MOV10: variants seen among roughly 807,000 people sequenced by gnomAD.
MOV10 encodes RNA helicase MOV-10.
MOV10 carries 39 observed loss-of-function variants against 108.4 expected under a neutral mutation model. That is an observed-to-expected ratio of 0.36 (90% CI 0.28 to 0.47). MOV10 has a LOEUF of 0.47. Among genes scored for constraint, MOV10 ranks in the 20% least tolerant of loss-of-function variants. The pLI is 1.00. For missense variants in MOV10, 952 were observed against 1,297.6 expected (o/e 0.73, Z 4.09); for synonymous variants, 490 against 523.1 (o/e 0.94, Z 0.86).
intron 17 of MOV10, chr1:112,699,268 A>G (rs1052431733): frequency 8.7e-6 from 2 of 230,738 alleles, no homozygotes; most frequent in African/African-American, 2.3e-5. Context: ...GGTGATTCTA[A>G]TATGCAGCCA....
chr1:112,696,246 C>G lies in MOV10; in HGVS notation c.1878C>G (p.Ala626=). 1 of 1,608,692 alleles carries G rather than the reference C, an allele frequency of 6.2e-7. No homozygotes were observed. Among genetic ancestry groups the G allele is most frequent in the Non-Finnish European group, 8.5e-7 (1 of 1,175,304 alleles). ...TCTTAATTACCACCCTCATCACTGC[C>G]GGCAGGTGGGGAGTGTGTGTGGGTG... ...YRVLITTLIT[A]GRLVSAQFPI... is the part of the protein sequence containing the mutation. The change falls in exon 12 of 21, where the codon GCC becomes GCG. Residue 626 remains alanine (A), a synonymous_variant. Coordinates refer to ENST00000369645, the MANE Select transcript of MOV10 (RefSeq NM_001321324.2).
intron 2 of MOV10, among the ~76,000 whole-genome samples, chr1:112,681,161 A>G (rs187639038): frequency 2.0e-5 from 3 of 152,070 alleles, no homozygotes; most frequent in South Asian, 4.2e-4. Flanking sequence ...CTTGATATCA[A>G]TCAGGGTGGT....
chr1:112,698,847 C>A, intron 17 of MOV10, 58 bp downstream of exon 17: 3 of 1,432,294 alleles, frequency 2.1e-6, no homozygotes, highest in Non-Finnish European at 3.0e-6. Context: ...TTGCCCACTT[C>A]CAGAGACTTC....
chr1:112,693,935 C>G lies in MOV10; in HGVS notation c.1141-83C>G, dbSNP rs116721550. 3.1e-4 allele frequency: 416 copies of G among 1,347,750 alleles called. No individual in the cohort carries two copies. In the African/African-American group the frequency reaches 4.8e-3, roughly 16 times the overall value. The allele number at this position is 1,347,750 out of a possible 1,614,324, so 83.5% of individuals were successfully genotyped here. On this transcript the variant is annotated intron_variant, in intron 7 of 20. Transcript: ENST00000369645. ...AGAAGGCCAGTCTCAGTCCTTGTCC[C>G]TTAAAGGTCTGGGGAACCTGGGGGC...
At position 112,675,876 on chromosome 1, in the gene MOV10, T is replaced by G. The variant is rs1480023717; in HGVS notation, c.137+827T>G. ...ACGTAAAGACTTGTACAAATAAACA[T>G]AAGGTAGTGGGAATCTGGGCTTAAT... On this transcript the variant is annotated intron_variant, in intron 2 of 20. Coordinates refer to ENST00000369645, the MANE Select transcript of MOV10 (RefSeq NM_001321324.2). The surrounding 1 kb of genome is among the most constrained non-coding windows in gnomAD (Gnocchi z 4.7). 2.6e-5 allele frequency among the ~76,000 whole-genome samples: 4 copies of G among 152,200 alleles called. No homozygotes were observed. The highest frequency in any genetic ancestry group is 9.7e-5 in the African/African-American group (4 of 41,448).
chr1:112,675,185 G>A lies in MOV10; in HGVS notation c.137+136G>A. The A allele has an allele frequency of 7.2e-6, 7 of 972,270 alleles. No homozygotes were observed. The highest frequency in any genetic ancestry group is 1.0e-5 in the Non-Finnish European group (7 of 702,228). 60.2% of individuals were successfully genotyped at this position (972,270 alleles called of 1,614,324 possible). Reference sequence around the variant, plus strand: ...AGCGGCTCAGGCCAGTCCCGGGGCGGCGCAGACCTCCCCTCCCGCGCCTCG... The same window carrying A: ...AGCGGCTCAGGCCAGTCCCGGGGCGACGCAGACCTCCCCTCCCGCGCCTCG... On this transcript the variant is annotated intron_variant, in intron 2 of 20. Coordinates refer to ENST00000369645, the MANE Select transcript of MOV10 (RefSeq NM_001321324.2). The surrounding 1 kb of genome is among the most constrained non-coding windows in gnomAD (Gnocchi z 4.7).
In MOV10 at chr1:112,699,938, C is replaced by T. The variant is rs199523554; in HGVS notation, c.2754C>T (p.Ile918=). Residue 918 remains isoleucine, a synonymous_variant, in exon 19 of 21, where the codon ATC becomes ATT. Transcript: ENST00000369645. ...AVTRAKALLI[I]VGNPLLLGHD... is the part of the protein sequence containing the mutation. ...CCCGGGCCAAGGCCCTGCTCATCAT[C>T]GTGGGGAACCCCCTTCTCCTGGGCC... The T allele has an allele frequency of 8.1e-6, 13 of 1,614,166 alleles. No homozygotes were observed. The highest frequency in any genetic ancestry group is 1.1e-5 in the South Asian group (1 of 91,082).
intron 2 of MOV10, 164 bp from the exon 3 acceptor site, chr1:112,688,771 C>T: frequency 1.4e-6 from 2 of 1,452,754 alleles, no homozygotes; most frequent in South Asian, 2.9e-5. Flanking sequence ...AAACATTCCT[C>T]CGATCCCCAG....
chr1:112,698,549 T>A (rs1468271555), intron 16 of MOV10, 71 bp downstream of exon 16: 2 of 1,528,804 alleles, frequency 1.3e-6, no homozygotes, highest in Non-Finnish European at 1.8e-6. Context: ...TCCAGACCAC[T>A]AGGCAGAGGC....
At chr1:112,691,630 G>A (rs764161820) in intron 5 of MOV10, 35 bp from the exon 6 acceptor site, 5 of 1,605,706 alleles carry the variant, frequency 3.1e-6, no homozygotes, top group Non-Finnish European at 3.4e-6. Flanking sequence ...TGGAGGGTGA[G>A]GGGTTTTCTG....
rs17030651 is a variant in MOV10 at position 112,696,760 on chromosome 1, G to A, written c.2112G>A (p.Glu704=). Residue 704 remains glutamate (E), a synonymous_variant, in exon 14 of 21, where the codon GAG becomes GAA. Transcript: ENST00000369645. Reference sequence around the variant, plus strand: ...ATGGACTGGGATACTCACTGCTGGAGCGGCTGCTCACCTACAACTCCCTGT... The same window carrying A: ...ATGGACTGGGATACTCACTGCTGGAACGGCTGCTCACCTACAACTCCCTGT... ...QKHGLGYSLL[E]RLLTYNSLYK... The A allele has an allele frequency of 0.22, 350,864 of 1,603,692 alleles. 42,277 individuals are homozygous for A. The highest frequency in any genetic ancestry group is 0.48 in the East Asian group (21,261 of 44,574).
At chr1:112,698,588 G>GT (rs896528045) in intron 16 of MOV10, 110 bp downstream of exon 16, 2 of 1,438,698 alleles carry the variant, frequency 1.4e-6, no homozygotes, top group African/African-American at 2.8e-5. Flanking sequence ...TGCTGGCTCC[G>GT]TATCTCAGAA....
In MOV10 at chr1:112,694,809, T is replaced by TA; in HGVS notation, c.1534dup (p.Thr512AsnfsTer28). ...AGCTGCAGGCCATGAGGCACATTGT[T>TA]ACGGGCACCACCCGTCCAGCCCCCT... On this transcript the variant is annotated frameshift_variant, in exon 10 of 21. Transcript: ENST00000369645. LOFTEE classifies it high-confidence loss of function. This position sits in a 1 kb window ranked among gnomAD's most constrained non-coding sequence, Gnocchi z 4.1. 1.2e-6 allele frequency: 2 copies of TA among 1,614,154 alleles called. No homozygotes were observed. The highest frequency in any genetic ancestry group is 1.7e-6 in the Non-Finnish European group (2 of 1,180,034).
At chr1:112,691,870 A>ACCTCCGTCCTCAGCCTCCCAGGCT in intron 6 of MOV10, 71 bp downstream of exon 6, 1 of 1,527,770 alleles carries the variant, frequency 6.5e-7, no homozygotes, top group Non-Finnish European at 9.0e-7. Context: ...TTGCCCTGGC[A>ACCTCCGTCCTCAGCCTCCCAGGCT]CCTCCGTCCT....
intron 16 of MOV10, 32 bp from the exon 17 acceptor site, chr1:112,698,682 CA>C: frequency 6.2e-7 from 1 of 1,603,130 alleles, no homozygotes; most frequent in Non-Finnish European, 8.5e-7. Flanking sequence ...AGGTTAATGG[CA>C]CGAGAGAAAG....
intron 2 of MOV10, among the ~76,000 whole-genome samples, chr1:112,688,123 C>A (rs551007932): frequency 2.0e-5 from 3 of 152,076 alleles, no homozygotes; most frequent in Non-Finnish European, 4.4e-5. Context: ...CCAAGCACCA[C>A]GCTGGAATGT....
rs575796303 is a variant in MOV10, at chr1:112,695,711, G to A, written c.1779+137G>A. The stretch of plus-strand genomic sequence containing the variant: ...CTTGGGTTGGACAGGACCCCTCCCT[G>A]GGCCTCAGTTTGTCTGTAAGTGAGG... On this transcript the variant is annotated intron_variant, in intron 11 of 20. Transcript: ENST00000369645. 146 of 912,482 alleles carry A rather than the reference G, an allele frequency of 1.6e-4. No individual in the cohort carries two copies. The East Asian group carries it at 4.1e-3, about 26-fold the overall frequency. 56.5% of individuals were successfully genotyped at this position (912,482 alleles called of 1,614,324 possible).
At chr1:112,696,041 A>G (rs2101405467) in intron 11 of MOV10, 107 bp from the exon 12 acceptor site, 3 of 779,616 alleles carry the variant, frequency 3.8e-6, no homozygotes, top group South Asian at 1.7e-5. Context: ...CTCCGTCTCA[A>G]TTAAAAAAAA....
At position 112,694,469 on chromosome 1, in the gene MOV10, G is replaced by A. The variant is rs773653752; in HGVS notation, c.1312G>A (p.Val438Met). ...SFSMSLLSRF[V>M]DGLTFKVNFT... ...TGCCCAAAGCCTCCTGAGCCGCTTT[G>A]TGGATGGGCTGACCTTCAAGGTGAA... is the stretch of plus-strand genomic sequence containing the variant. The change falls in exon 9 of 21, where the codon GTG (valine) becomes ATG (methionine). Residue 438 changes from valine (V) to methionine (M), a missense_variant. By Grantham distance (21) the Val-to-Met change is conservative. Around this residue, in one of 5 missense-constraint regions of MOV10, gnomAD observed 453 missense variants for 611.5 expected, o/e 0.74. Coordinates refer to ENST00000369645, the MANE Select transcript of MOV10 (RefSeq NM_001321324.2). This position sits in a 1 kb window ranked among gnomAD's most constrained non-coding sequence, Gnocchi z 4.1. The A allele has an allele frequency of 3.1e-6, 5 of 1,613,964 alleles. No homozygotes were observed. In the South Asian group the frequency reaches 4.4e-5, roughly 14 times the overall value.
Sources: allele counts gnomAD v4.1 joint callset (sites outside exome capture counted in the v4.1 genomes callset), GRCh38; gene constraint gnomAD v4.1.1; regional missense constraint gnomAD v4.1.1; non-coding constraint Gnocchi (gnomAD v3.1); transcripts MANE v1.5; gene names NCBI Gene and HGNC (gene_info 2026-07-23, HGNC 2026-07-21).